Variants in FSTL4 observed in about 807,000 individuals in gnomAD.
The protein encoded by FSTL4 is follistatin-related protein 4.
Under a neutral mutation model 78.2 loss-of-function variants are expected in FSTL4, and 28 were observed. That is an observed-to-expected ratio of 0.36 (90% CI 0.27 to 0.49). The LOEUF is 0.49. Among genes scored for constraint, FSTL4 ranks in the 20% least tolerant of loss-of-function variants. The pLI is 0.98. For synonymous variants in FSTL4, 422 were observed against 440.5 expected (o/e 0.96, Z 0.53); for missense variants, 922 against 1,084.9 (o/e 0.85, Z 2.11).
At chr5:133,514,916 T>C (rs1379153020) in intron 3 of FSTL4, among the ~76,000 whole-genome samples, 1 of 152,208 alleles carries the variant, frequency 6.6e-6, no homozygotes, top group Non-Finnish European at 1.5e-5. Context: ...GTCTTTACTA[T>C]ATAAAAGTAA....
intron 3 of FSTL4, among the ~76,000 whole-genome samples, chr5:133,458,789 G>C (rs1284495121): frequency 1.3e-5 from 2 of 152,218 alleles, no homozygotes; most frequent in Non-Finnish European, 2.9e-5. Context: ...AGAGGAGGAG[G>C]GAAGGATTGA....
At chr5:133,691,881 C>A in the FSTL4 span, among the ~76,000 whole-genome samples, 551 of 152,334 alleles carry the variant, frequency 3.6e-3, 1 homozygote, top group Admixed American at 5.6e-3. Flanking sequence ...CCACCTGGAG[C>A]TGTATCTTCA....
intron 4 of FSTL4, among the ~76,000 whole-genome samples, chr5:133,337,205 C>A (rs1754482740): frequency 6.6e-6 from 1 of 152,198 alleles, no homozygotes; most frequent in Admixed American, 6.5e-5. Flanking sequence ...AGACAGCGTG[C>A]ACCAGGATGA....
intron 3 of FSTL4, among the ~76,000 whole-genome samples, chr5:133,449,745 C>T (rs1190618881): frequency 2.6e-5 from 4 of 152,288 alleles, no homozygotes; most frequent in African/African-American, 7.2e-5. Flanking sequence ...CTGTTGGGTG[C>T]GCTCTTTTCC....
intron 4 of FSTL4, among the ~76,000 whole-genome samples, chr5:133,368,007 C>T (rs1209423930): frequency 6.6e-6 from 1 of 152,248 alleles, no homozygotes; most frequent in East Asian, 1.9e-4. Flanking sequence ...GAGACCATCT[C>T]ATCTAGCCTC....
intron 3 of FSTL4, among the ~76,000 whole-genome samples, chr5:133,507,710 A>G (rs959757270): frequency 1.3e-5 from 2 of 151,656 alleles, no homozygotes; most frequent in Admixed American, 6.6e-5. Flanking sequence ...TTTAGTAGAG[A>G]TGGGGTTTCG....
intron 4 of FSTL4, among the ~76,000 whole-genome samples, chr5:133,359,241 T>C (rs1300904479): frequency 6.6e-6 from 1 of 152,234 alleles, no homozygotes; most frequent in Non-Finnish European, 1.5e-5. Flanking sequence ...ATAGTTTCCT[T>C]GGGACAGATT....
At chr5:133,214,936 C>CTAA (rs1750860243) in intron 13 of FSTL4, among the ~76,000 whole-genome samples, 1 of 152,188 alleles carries the variant, frequency 6.6e-6, no homozygotes, top group African/African-American at 2.4e-5. Context: ...ATTTACTCAC[C>CTAA]TTTACAGCAA....
At chr5:133,449,029 A>G (rs1368479822) in intron 3 of FSTL4, among the ~76,000 whole-genome samples, 5 of 152,084 alleles carry the variant, frequency 3.3e-5, no homozygotes, top group African/African-American at 1.2e-4. Flanking sequence ...ATATATATAT[A>G]TATTATATAG....
At chr5:133,610,952 C>T (rs1761076699) in intron 1 of FSTL4, among the ~76,000 whole-genome samples, 1 of 151,960 alleles carries the variant, frequency 6.6e-6, no homozygotes, top group Non-Finnish European at 1.5e-5. Context: ...TACGTTTGGC[C>T]CAGAGAACCT....
At chr5:133,441,331 C>G (rs1171606706) in intron 3 of FSTL4, among the ~76,000 whole-genome samples, 2 of 152,204 alleles carry the variant, frequency 1.3e-5, no homozygotes, top group Non-Finnish European at 2.9e-5. Flanking sequence ...CTGGCTTGCC[C>G]TGTGCACTGA....
At chr5:133,779,305 G>T in the FSTL4 span, among the ~76,000 whole-genome samples, 1 of 152,056 alleles carries the variant, frequency 6.6e-6, no homozygotes, top group African/African-American at 2.4e-5. Context: ...AAGTGATGTG[G>T]GCCAGGCATG....
intron 6 of FSTL4, among the ~76,000 whole-genome samples, chr5:133,283,239 CGTGT>C (rs112657706): frequency 2.0e-4 from 30 of 148,682 alleles, no homozygotes; most frequent in Admixed American, 4.0e-4. Context: ...TTAAGCCTAG[CGTGT>C]GTGTGTGTGT....
In FSTL4 at chr5:133,606,277, T is replaced by A. The variant is rs901749593; in HGVS notation, c.-10-2284A>T. Among the ~76,000 whole-genome samples the A allele has an allele frequency of 2.6e-4, 39 of 152,142 alleles. 1 individual carries two copies. The highest frequency in any genetic ancestry group is 8.9e-4 in the African/African-American group (37 of 41,434). ...CTGGGATGACAGGCATGCGCCACCA[T>A]GCCCAGCTAATTTTGTATTTTTAAT... On this transcript the variant is annotated intron_variant, in intron 1 of 15. Transcript: ENST00000265342.
intron 8 of FSTL4, among the ~76,000 whole-genome samples, chr5:133,229,719 G>A (rs753883627): frequency 3.9e-5 from 6 of 152,194 alleles, no homozygotes; most frequent in African/African-American, 7.2e-5. Context: ...AGCTGAGGGC[G>A]TTCTGAGTGT....
At chr5:133,705,502 C>T in the FSTL4 span, among the ~76,000 whole-genome samples, 1 of 152,198 alleles carries the variant, frequency 6.6e-6, no homozygotes, top group Non-Finnish European at 1.5e-5. Flanking sequence ...TGTGCAGGTT[C>T]CTGCTCACCT....
the FSTL4 span, among the ~76,000 whole-genome samples, chr5:133,807,593 TAGTC>T: frequency 2.0e-5 from 3 of 152,212 alleles, no homozygotes; most frequent in South Asian, 2.1e-4. Context: ...GTGCCTCTGA[TAGTC>T]AGTGAGGATG....
intron 2 of FSTL4, among the ~76,000 whole-genome samples, chr5:133,574,507 A>C (rs1760232441): frequency 1.3e-5 from 2 of 152,224 alleles, no homozygotes; most frequent in Admixed American, 6.5e-5. Flanking sequence ...TAATCCTTTA[A>C]TATCTGTTTA....
chr5:133,740,876 T>C, the FSTL4 span, among the ~76,000 whole-genome samples: 1 of 152,044 alleles, frequency 6.6e-6, no homozygotes, highest in African/African-American at 2.4e-5. Flanking sequence ...TGCAGGACCA[T>C]CTGGGCAGAA....
Sources: gnomAD v4.1 joint callset for allele counts (sites outside exome capture counted in the v4.1 genomes callset) on GRCh38, gnomAD v4.1.1 for gene constraint, MANE v1.5 for transcripts, NCBI Gene and HGNC (gene_info 2026-07-23, HGNC 2026-07-21) for gene names.